TTN: variants seen among roughly 807,000 people sequenced by gnomAD.
TTN encodes the protein connectin.
A neutral mutation model predicts 3,223.0 loss-of-function variants in TTN; 1,525 were observed. The observed-to-expected ratio is 0.47, with a 90% CI of 0.45 to 0.49. The LOEUF is 0.49. Ranked by LOEUF, TTN falls within the 20% of genes least tolerant of loss-of-function variation. The probability of loss-of-function intolerance (pLI) is 0.00; values close to 1 mark genes in which losing one functional copy is unlikely to be tolerated. For synonymous variants in TTN, 14,094 were observed against 15,161.0 expected (o/e 0.93, Z 5.17); for missense variants, 40,786 against 43,424.0 (o/e 0.94, Z 5.40).
At position 178,592,503 on chromosome 2, in the gene TTN, A is replaced by G. The variant is rs972823319; in HGVS notation, c.59502T>C (p.Asp19834=). The change falls in exon 301 of 363, where the codon GAT becomes GAC. Residue 19834 remains aspartate, a synonymous_variant. Transcript: ENST00000589042. The part of the protein sequence containing the change: ...DRDAPTKARI[D]VTPVGSKLEI... ...CAAGCTTGCTACCAACTGGAGTCAC[A>G]TCAATTCTTGCTTTAGTTGGAGCAT... The G allele has an allele frequency of 2.0e-5, 32 of 1,613,400 alleles. No individual in the cohort carries two copies. Among genetic ancestry groups the G allele is most frequent in the Non-Finnish European group, 2.7e-5 (32 of 1,179,602 alleles).
At chr2:178,632,831 T>C (rs764665968) in intron 234 of TTN, 39 bp from the exon 235 acceptor site, 8 of 1,612,612 alleles carry the variant, frequency 5.0e-6, no homozygotes, top group Non-Finnish European at 6.8e-6. Flanking sequence ...AGAATACGTT[T>C]CCATTGATGA....
At chr2:178,625,494 A>G (rs1419081468) in intron 240 of TTN, 98 bp from the exon 241 acceptor site, 3 of 1,353,234 alleles carry the variant, frequency 2.2e-6, no homozygotes, top group Non-Finnish European at 2.9e-6. Flanking sequence ...GAGCTTTCCA[A>G]GTTGTTTTAT....
chr2:178,763,621 T>C (rs2089769422), intron 43 of TTN, among the ~76,000 whole-genome samples: 1 of 152,166 alleles, frequency 6.6e-6, no homozygotes, highest in Non-Finnish European at 1.5e-5. Flanking sequence ...ATACTCAATG[T>C]ATTCATGACA....
At chr2:178,780,238 G>C in intron 21 of TTN, 33 bp from the exon 22 acceptor site, 1 of 1,562,926 alleles carries the variant, frequency 6.4e-7, no homozygotes, top group Non-Finnish European at 8.8e-7. Flanking sequence ...AATTTTTAAT[G>C]CTCTTATTAG....
At position 178,799,927 on chromosome 2, in the gene TTN, A is replaced by G; in HGVS notation, c.584-17T>C. ...CTTCTTCACCTGTGGGAAGGGAAAG[A>G]TGAATGTTTGGGAGGGGGCACAATG... On this transcript the variant is annotated splice_polypyrimidine_tract_variant and intron_variant, in intron 4 of 362. Coordinates refer to ENST00000589042, the MANE Select transcript of TTN (RefSeq NM_001267550.2). The G allele has an allele frequency of 6.2e-7, 1 of 1,613,606 alleles. No individual in the cohort carries two copies. The highest frequency in any genetic ancestry group is 1.1e-5 in the South Asian group (1 of 91,068).
At chr2:178,727,917 G>T (rs2079638569) in intron 67 of TTN, 54 bp from the exon 68 acceptor site, 24 of 1,494,542 alleles carry the variant, frequency 1.6e-5, no homozygotes, top group Non-Finnish European at 2.1e-5. Context: ...TTGAATTATT[G>T]TGACAGTTTT....
chr2:178,743,970 G>A (rs1486143679), intron 47 of TTN, among the ~76,000 whole-genome samples: 5 of 151,846 alleles, frequency 3.3e-5, no homozygotes, highest in Admixed American at 2.6e-4. Context: ...GGGAGGCCTG[G>A]CTGCTCTGCC....
At chr2:178,555,619 G>C (rs1440625766) in intron 330 of TTN, 1 of 157,334 alleles carries the variant, frequency 6.4e-6, no homozygotes, top group African/African-American at 2.4e-5. Context: ...ATAATTACTG[G>C]ACAGATTTTC....
In TTN at chr2:178,542,843, A is replaced by G; in HGVS notation, c.97011T>C (p.Ala32337=). 6.2e-7 allele frequency: 1 copy of G among 1,613,870 alleles called. No homozygotes were observed. The highest frequency in any genetic ancestry group is 8.5e-7 in the Non-Finnish European group (1 of 1,179,800). The change falls in exon 348 of 363, where the codon GCT becomes GCC. Residue 32337 remains alanine, a synonymous_variant. Coordinates refer to ENST00000589042, the MANE Select transcript of TTN (RefSeq NM_001267550.2). ...VIPIAGRPPP[A]ASWFFAGSKL... is the part of the protein sequence containing the mutation. ...TAGAACCAGCAAAGAACCAGGAAGC[A>G]GCAGGAGGTGGACGGCCAGCAATAG...
intron 343 of TTN, 62 bp downstream of exon 343, chr2:178,545,758 C>T: frequency 1.3e-6 from 2 of 1,596,926 alleles, no homozygotes; most frequent in Non-Finnish European, 1.7e-6. Flanking sequence ...TGCCCTTCTC[C>T]CTTCTCCCCC....
At position 178,730,630 on chromosome 2, in the gene TTN, G is replaced by C; in HGVS notation, c.17903C>G (p.Ser5968Cys). 2 of 1,613,614 alleles carry C rather than the reference G, an allele frequency of 1.2e-6. No homozygotes were observed. The highest frequency in any genetic ancestry group is 2.2e-5 in the South Asian group (2 of 91,080). The change falls in exon 61 of 363, where the codon TCT becomes TGT. Residue 5968 changes from serine (S) to cysteine (C), a missense_variant. Physicochemically the swap from Ser to Cys is moderately radical, Grantham distance 112. Coordinates refer to ENST00000589042, the MANE Select transcript of TTN (RefSeq NM_001267550.2). Reference sequence around the variant, plus strand: ...CAAGAAGGCAGTATTGTCATGAAAAGAGAATTTGTACTTTTCACTAGCTGA... The same window carrying C: ...CAAGAAGGCAGTATTGTCATGAAAACAGAATTTGTACTTTTCACTAGCTGA... ...EISASEKYKF[S>C]FHDNTAFLEI...
chr2:178,636,004 T>C lies in TTN; in HGVS notation c.41567A>G (p.Asn13856Ser), dbSNP rs369638798. 6.2e-7 allele frequency: 1 copy of C among 1,610,636 alleles called. No homozygotes were observed. The highest frequency in any genetic ancestry group is 8.5e-7 in the Non-Finnish European group (1 of 1,177,584). ...DAGTYTVTVE[N>S]ANNLECSSCV... is the part of the protein sequence containing the mutation. ...AGATGAACACTCCAGGTTGTTGGCG[T>C]TTTCCACAGTAACTGTGTATGTTCC... The change falls in exon 226 of 363, where the codon AAC (asparagine) becomes AGC (serine). Residue 13856 changes from asparagine (N) to serine (S), a missense_variant. Physicochemically the swap from Asn to Ser is conservative, Grantham distance 46. Transcript: ENST00000589042. The surrounding 1 kb of genome is among the most constrained non-coding windows in gnomAD (Gnocchi z 4.3).
intron 339 of TTN, 32 bp from the exon 340 acceptor site, chr2:178,547,337 A>G: frequency 6.3e-7 from 1 of 1,576,806 alleles, no homozygotes; most frequent in African/African-American, 1.4e-5. Flanking sequence ...AAGTATGAAT[A>G]CAATTTTATA....
intron 95 of TTN, 29 bp from the exon 96 acceptor site, chr2:178,712,251 C>T: frequency 6.2e-7 from 1 of 1,609,764 alleles, no homozygotes; most frequent in Middle Eastern, 1.7e-4. Flanking sequence ...ATCAATCAGT[C>T]ATGAAGGAGA....
chr2:178,770,488 G>A lies in TTN; in HGVS notation c.8304C>T (p.Asn2768=). Residue 2768 remains asparagine, a synonymous_variant, in exon 35 of 363, where the codon AAC becomes AAT. Coordinates refer to ENST00000589042, the MANE Select transcript of TTN (RefSeq NM_001267550.2). ...KGTIYSLRIK[N]CAIVDESVYG... The stretch of plus-strand genomic sequence containing the variant: ...AAACAGACTCATCCACGATGGCACA[G>A]TTTTTAATCCTCAGAGAGTAAATTG... The A allele has an allele frequency of 6.2e-7, 1 of 1,614,166 alleles. No homozygotes were observed. The highest frequency in any genetic ancestry group is 8.5e-7 in the Non-Finnish European group (1 of 1,180,012).
At position 178,650,744 on chromosome 2, in the gene TTN, CGTGT is replaced by C; in HGVS notation, c.39709+3_39709+6del. 1 of 1,597,912 alleles carries C rather than the reference CGTGT, an allele frequency of 6.3e-7. No homozygotes were observed. Among genetic ancestry groups the C allele is most frequent in the African/African-American group, 1.3e-5 (1 of 74,730 alleles). ...GCAAGGTCATTAATCACCGGTCTCACGTGTACCTTCTGGGGGAGGAGACTCCGCT... is the reference window on the plus strand; with the variant it reads ...GCAAGGTCATTAATCACCGGTCTCACACCTTCTGGGGGAGGAGACTCCGCT... On this transcript the variant is annotated splice_donor_5th_base_variant and intron_variant, in intron 209 of 362. Coordinates refer to ENST00000589042, the MANE Select transcript of TTN (RefSeq NM_001267550.2).
rs753577186 is a variant in TTN at position 178,707,611 on chromosome 2, C to T, written c.28956G>A (p.Val9652=). Residue 9652 remains valine, a synonymous_variant, in exon 100 of 363, where the codon GTG becomes GTA. Coordinates refer to ENST00000589042, the MANE Select transcript of TTN (RefSeq NM_001267550.2). ...SGTAVLELRD[V]AKADSGDYVC... is the part of the protein sequence containing the mutation. ...CATAATCTCCCGAATCTGCTTTAGC[C>T]ACATCTCTGAGTTCCAGTACAGCTG... The T allele has an allele frequency of 5.6e-6, 9 of 1,613,858 alleles. No individual in the cohort carries two copies. The South Asian group carries it at 8.8e-5, about 16-fold the overall frequency.
chr2:178,775,747 G>C lies in TTN; in HGVS notation c.6117C>G (p.Leu2039=). 1.2e-6 allele frequency: 2 copies of C among 1,613,868 alleles called. No individual in the cohort carries two copies. The highest frequency in any genetic ancestry group is 1.3e-5 in the African/African-American group (1 of 74,972). ...ELLRKTKDEL[L]HWTKELTEEE... is the part of the protein sequence containing the mutation. ...CTTCAGTTAACTCTTTGGTCCAGTG[G>C]AGAAGTTCATCTTTTGTCTTCCTGA... Residue 2039 remains leucine (L), a synonymous_variant, in exon 28 of 363, where the codon CTC becomes CTG. Coordinates refer to ENST00000589042, the MANE Select transcript of TTN (RefSeq NM_001267550.2).
intron 311 of TTN, 69 bp from the exon 312 acceptor site, chr2:178,583,975 T>C: frequency 1.4e-6 from 2 of 1,400,262 alleles, no homozygotes; most frequent in Admixed American, 2.8e-5. Flanking sequence ...TATTTCACAT[T>C]ATCATCCCTG....
Sources: gnomAD v4.1 joint callset for allele counts (sites outside exome capture counted in the v4.1 genomes callset) on GRCh38, gnomAD v4.1.1 for gene constraint, Gnocchi (gnomAD v3.1) non-coding constraint, MANE v1.5 for transcripts, NCBI Gene and HGNC (gene_info 2026-07-23, HGNC 2026-07-21) for gene names.